ORC1: variants seen among roughly 807,000 people sequenced by gnomAD.
ORC1 encodes the protein origin recognition complex subunit 1.
ORC1 carries 61 observed loss-of-function variants against 98.9 expected under a neutral mutation model. That is an observed-to-expected ratio of 0.62 (90% CI 0.50 to 0.76). ORC1 has a LOEUF of 0.76. Ranked by LOEUF, ORC1 falls within the 30% of genes least tolerant of loss-of-function variation. The pLI is 0.00. For missense variants in ORC1, 979 were observed against 1,072.2 expected, an observed-to-expected ratio of 0.91 and a Z score of 1.21; for synonymous variants, 385 against 406.9, an observed-to-expected ratio of 0.95 and a Z score of 0.65.
upstream of ORC1, chr1:52,405,874 T>G: frequency 6.3e-7 from 1 of 1,597,930 alleles, no homozygotes; most frequent in Non-Finnish European, 8.6e-7. Flanking sequence ...TATAAGAGGT[T>G]TAATTTTGGC....
chr1:52,391,312 C>CA (rs57169076), intron 6 of ORC1, among the ~76,000 whole-genome samples: 9,050 of 69,792 alleles, frequency 0.13, 954 homozygotes, highest in African/African-American at 0.31. Context: ...GACTCCATCT[C>CA]AAAAAAAAAA....
rs1647390055 is a variant in ORC1, at chr1:52,396,228, T to C, written c.539A>G (p.Gln180Arg). The change falls in exon 5 of 17, where the codon CAA becomes CGA. Residue 180 changes from glutamine to arginine, a missense_variant. Physicochemically the swap from Gln to Arg is conservative, Grantham distance 43. Transcript: ENST00000371568. ...TTTCTGGCACTTGGCTGCACTCTCT[T>C]GTGGTTTATTCAACTCCGCAAATAG... ...SELFAELNKP[Q>R]ESAAKCQKPV... The C allele has an allele frequency of 6.2e-7, 1 of 1,614,096 alleles. No individual in the cohort carries two copies. The highest frequency in any genetic ancestry group is 1.3e-5 in the African/African-American group (1 of 74,936).
intron 3 of ORC1, among the ~76,000 whole-genome samples, chr1:52,398,810 C>T (rs1417549116): frequency 6.6e-6 from 1 of 151,996 alleles, no homozygotes; most frequent in African/African-American, 2.4e-5. Flanking sequence ...CGGTCTCAAT[C>T]TCCTGACCTC....
At chr1:52,386,100 CCT>C (rs1321303357) in intron 8 of ORC1, 151 bp from the exon 9 acceptor site, 6 of 703,400 alleles carry the variant, frequency 8.5e-6, no homozygotes, top group East Asian at 2.7e-5. Context: ...CATGACTCTC[CCT>C]CTCTCACCTC....
chr1:52,407,166 C>T (rs1219450238), upstream of ORC1, among the ~76,000 whole-genome samples: 1 of 151,086 alleles, frequency 6.6e-6, no homozygotes, highest in Non-Finnish European at 1.5e-5. Context: ...TACAGGCGCC[C>T]ACCACTACAC....
rs185040313 is a variant in ORC1 at position 52,396,497 on chromosome 1, C to T, written c.403-133G>A. The T allele has an allele frequency of 3.5e-4, 359 of 1,040,102 alleles. 6 individuals carry two copies. In the Admixed American group the frequency reaches 6.7e-3, roughly 19 times the overall value. 64.4% of individuals were successfully genotyped at this position (1,040,102 alleles called of 1,614,324 possible). On this transcript the variant is annotated intron_variant, in intron 4 of 16. Transcript: ENST00000371568. ...AAATGTTACCTTTCCAATCTAAAGA[C>T]GCATAGACATGGCATAGCATATTGC...
chr1:52,400,649 C>G (rs1223284491), intron 3 of ORC1, among the ~76,000 whole-genome samples: 4 of 152,208 alleles, frequency 2.6e-5, no homozygotes, highest in African/African-American at 9.7e-5. Flanking sequence ...CCTAATCCTC[C>G]TTGTGGAGCT....
At chr1:52,393,953 G>T in intron 5 of ORC1, 150 bp from the exon 6 acceptor site, 2 of 846,254 alleles carry the variant, frequency 2.4e-6, no homozygotes. Context: ...TCCAGCCCAG[G>T]TAGCTCTAAT....
At position 52,396,114 on chromosome 1, in the gene ORC1, G is replaced by A. The variant is rs1446812147; in HGVS notation, c.653C>T (p.Ala218Val). The A allele has an allele frequency of 6.2e-7, 1 of 1,614,048 alleles. No individual in the cohort carries two copies. The highest frequency in any genetic ancestry group is 8.5e-7 in the Non-Finnish European group (1 of 1,180,036). The change falls in exon 5 of 17, where the codon GCC becomes GTC. Residue 218 changes from alanine to valine, a missense_variant. Transcript: ENST00000371568. Reference sequence around the variant, plus strand: ...GGTAGGAGTTTGGCGAGATTTGGAGGCGGAGTGCCTTGATTCAATCCTTTT... The same window carrying A: ...GGTAGGAGTTTGGCGAGATTTGGAGACGGAGTGCCTTGATTCAATCCTTTT... Reference protein sequence around the residue: ...VAKRIESRHSASKSRQTPTHP... With the variant: ...VAKRIESRHSVSKSRQTPTHP...
intron 7 of ORC1, 130 bp from the exon 8 acceptor site, chr1:52,388,767 C>A: frequency 1.3e-6 from 1 of 772,670 alleles, no homozygotes; most frequent in Admixed American, 2.0e-5. Flanking sequence ...TGCTTGCTAC[C>A]GAGACACTCT....
At chr1:52,406,407 G>A (rs1324194500), upstream of ORC1, among the ~76,000 whole-genome samples, 2 of 152,198 alleles carry the variant, frequency 1.3e-5, no homozygotes, top group Non-Finnish European at 2.9e-5. Context: ...TTAAGCAAAA[G>A]TGAGTGCCTG....
chr1:52,397,885 G>C (rs771605735), intron 3 of ORC1, 22 bp from the exon 4 acceptor site: 33 of 1,612,000 alleles, frequency 2.0e-5, no homozygotes, highest in South Asian at 1.1e-5. Context: ...TTGGTGGAAA[G>C]GGAAAGGTTA....
At chr1:52,399,399 C>T (rs987142606) in intron 3 of ORC1, among the ~76,000 whole-genome samples, 1 of 151,230 alleles carries the variant, frequency 6.6e-6, no homozygotes, top group Non-Finnish European at 1.5e-5. Context: ...CTGAGGCGGG[C>T]GGATCATGAG....
At chr1:52,383,968 C>G (rs1184278327) in intron 11 of ORC1, 31 bp from the exon 12 acceptor site, 1 of 1,567,844 alleles carries the variant, frequency 6.4e-7, no homozygotes, top group Non-Finnish European at 8.8e-7. Context: ...TTGTGAGGAA[C>G]TGTAAGGGTC....
chr1:52,374,888 A>G lies in ORC1; in HGVS notation c.2313T>C (p.Ser771=), dbSNP rs543163076. ...SSYITAIKNS[S]VLEQSFLRAI... ...CTCTCAGGAAGCTCTGTTCCAGAACAGAGGAATTTCTTAAAGGAAACGAGG... is the reference window on the plus strand; with the variant it reads ...CTCTCAGGAAGCTCTGTTCCAGAACGGAGGAATTTCTTAAAGGAAACGAGG... The change falls in exon 16 of 17, where the codon TCT becomes TCC. Residue 771 remains serine (S), a synonymous_variant. Transcript: ENST00000371568. 42 of 1,612,748 alleles carry G rather than the reference A, an allele frequency of 2.6e-5. 1 individual carries two copies. The South Asian group carries it at 4.6e-4, about 18-fold the overall frequency.
chr1:52,388,323 T>G, intron 8 of ORC1, 119 bp downstream of exon 8: 1 of 869,678 alleles, frequency 1.1e-6, no homozygotes, highest in East Asian at 2.4e-5. Flanking sequence ...AAGAATAGCA[T>G]TGAATATAAC....
intron 3 of ORC1, among the ~76,000 whole-genome samples, chr1:52,399,808 G>A (rs914974539): frequency 9.2e-5 from 11 of 119,990 alleles, no homozygotes; most frequent in African/African-American, 4.1e-4. Flanking sequence ...TTCTGTCACT[G>A]TCACACACAC....
At chr1:52,375,941 G>A (rs1646990158) in intron 14 of ORC1, among the ~76,000 whole-genome samples, 1 of 152,140 alleles carries the variant, frequency 6.6e-6, no homozygotes, top group African/African-American at 2.4e-5. Context: ...ACAGACGTGT[G>A]CCCCCAGAAG....
chr1:52,407,934 T>C (rs1017230888), upstream of ORC1, among the ~76,000 whole-genome samples: 2 of 152,256 alleles, frequency 1.3e-5, no homozygotes, highest in Non-Finnish European at 2.9e-5. Context: ...CACATGCCTA[T>C]AATCCCAGCT....
Sources: allele counts gnomAD v4.1 joint callset (sites outside exome capture counted in the v4.1 genomes callset), GRCh38; gene constraint gnomAD v4.1.1; transcripts MANE v1.5; gene names NCBI Gene and HGNC (gene_info 2026-07-23, HGNC 2026-07-21).